ZBTB20: variants seen among roughly 807,000 people sequenced by gnomAD.
The protein encoded by ZBTB20 is zinc finger and BTB domain-containing protein 20.
Under a neutral mutation model 56.9 loss-of-function variants are expected in ZBTB20, and 9 were observed. The observed-to-expected ratio is 0.16, with a 90% CI of 0.10 to 0.28. The LOEUF is 0.28. Among genes scored for constraint, ZBTB20 ranks in the 10% least tolerant of loss-of-function variants. ZBTB20 has a pLI of 1.00. For missense variants in ZBTB20, 655 were observed against 1,003.0 expected (o/e 0.65, Z 4.69); for synonymous variants, 417 against 420.7 (o/e 0.99, Z 0.11).
chr3:114,899,262 C>G (rs2075011525), intron 4 of ZBTB20, among the ~76,000 whole-genome samples: 2 of 152,084 alleles, frequency 1.3e-5, no homozygotes, highest in South Asian at 4.1e-4. Flanking sequence ...AAGGAATTAT[C>G]TTACAATATA....
chr3:114,637,766 C>CT (rs1432120473), intron 6 of ZBTB20, among the ~76,000 whole-genome samples: 4 of 152,112 alleles, frequency 2.6e-5, no homozygotes, highest in Admixed American at 1.3e-4. Flanking sequence ...ACAGTGGCCA[C>CT]TTAAATATAT....
At chr3:115,088,859 G>T (rs778779098) in intron 1 of ZBTB20, among the ~76,000 whole-genome samples, 1 of 151,774 alleles carries the variant, frequency 6.6e-6, no homozygotes, top group African/African-American at 2.4e-5. Flanking sequence ...CCATGAAATT[G>T]TTGTGTTTCA....
intron 6 of ZBTB20, among the ~76,000 whole-genome samples, chr3:114,586,073 T>A (rs952634391): frequency 1.3e-5 from 2 of 152,250 alleles, no homozygotes; most frequent in African/African-American, 4.8e-5. Flanking sequence ...TTTATCTGTT[T>A]ACCATTCAGA....
Position 114,339,090 on chromosome 3 carries a change from G to C in ZBTB20, c.2141C>G (p.Thr714Ser), listed in dbSNP as rs1365075356. Residue 714 changes from threonine (T) to serine (S), a missense_variant, in exon 12 of 12, where the codon ACT becomes AGT. Physicochemically the swap from Thr to Ser is moderately conservative, Grantham distance 58. Transcript: ENST00000675478. The surrounding 1 kb of genome is among the most constrained non-coding windows in gnomAD (Gnocchi z 4.2). ...PGVVACTEGT[T>S]YVCSVCPAKF... ...TGCTGGGCAGACGGAGCAGACGTAA[G>C]TGGTCCCCTCCGTGCAGGCCACCAC... 6 of 1,589,714 alleles carry C rather than the reference G, an allele frequency of 3.8e-6. No individual in the cohort carries two copies. The highest frequency in any genetic ancestry group is 5.1e-6 in the Non-Finnish European group (6 of 1,166,174).
At chr3:114,899,934 G>A (rs1284645559) in intron 4 of ZBTB20, among the ~76,000 whole-genome samples, 2 of 151,938 alleles carry the variant, frequency 1.3e-5, no homozygotes, top group Admixed American at 6.6e-5. Flanking sequence ...AAACTCAAAA[G>A]CAGCAAAATA....
intron 3 of ZBTB20, among the ~76,000 whole-genome samples, chr3:114,963,961 G>A (rs1461669657): frequency 6.6e-6 from 1 of 152,108 alleles, no homozygotes; most frequent in Non-Finnish European, 1.5e-5. Flanking sequence ...GATAAATTAT[G>A]TATACAACTG....
At chr3:114,679,802 T>A (rs906573464) in intron 6 of ZBTB20, among the ~76,000 whole-genome samples, 1 of 152,108 alleles carries the variant, frequency 6.6e-6, no homozygotes, top group Non-Finnish European at 1.5e-5. Context: ...CCCAAAAAAA[T>A]TATAAATCAT....
intron 2 of ZBTB20, among the ~76,000 whole-genome samples, chr3:115,025,913 AT>A (rs1402613468): frequency 9.4e-5 from 14 of 149,360 alleles, no homozygotes; most frequent in Non-Finnish European, 1.5e-5. Context: ...AATATATAAA[AT>A]ATTTAAAAAT....
intron 6 of ZBTB20, among the ~76,000 whole-genome samples, chr3:114,635,112 G>A (rs915450673): frequency 2.0e-5 from 3 of 152,140 alleles, no homozygotes; most frequent in Admixed American, 6.6e-5. Context: ...GCGACCATTA[G>A]AACTTGGTTC....
intron 6 of ZBTB20, among the ~76,000 whole-genome samples, chr3:114,568,773 G>A (rs1388352504): frequency 6.6e-6 from 1 of 152,226 alleles, no homozygotes; most frequent in Non-Finnish European, 1.5e-5. Context: ...TCTCCACTGA[G>A]TGAAGAAGTT....
At chr3:114,651,550 TAAAAAAAAAAA>T (rs57059379) in intron 6 of ZBTB20, among the ~76,000 whole-genome samples, 4 of 91,416 alleles carry the variant, frequency 4.4e-5, no homozygotes, top group Admixed American at 1.1e-4. Flanking sequence ...GGTTGGATAG[TAAAAAAAAAAA>T]AAAAAAAAAA....
chr3:114,345,994 C>T (rs1407501569), intron 11 of ZBTB20, among the ~76,000 whole-genome samples: 1 of 152,024 alleles, frequency 6.6e-6, no homozygotes, highest in Non-Finnish European at 1.5e-5. Context: ...TCAAACATGC[C>T]CTTAACTCTT....
At chr3:115,014,761 T>C (rs1407271901) in intron 2 of ZBTB20, among the ~76,000 whole-genome samples, 1 of 151,704 alleles carries the variant, frequency 6.6e-6, no homozygotes, top group Non-Finnish European at 1.5e-5. Context: ...GCATCTATGA[T>C]TATCGGTGTC....
At position 114,365,333 on chromosome 3, in the gene ZBTB20, C is replaced by T. The variant is rs1365060517; in HGVS notation, c.200-13455G>A. On this transcript the variant is annotated intron_variant, in intron 10 of 11. Coordinates refer to ENST00000675478, the MANE Select transcript of ZBTB20 (RefSeq NM_001348800.3). Reference sequence around the variant, plus strand: ...CCAGGAATTTGTTTTCCTACACATCCATCTACTGTCCAGCCAGTTGAGGGA... The same window carrying T: ...CCAGGAATTTGTTTTCCTACACATCTATCTACTGTCCAGCCAGTTGAGGGA... Among the ~76,000 whole-genome samples, 4 of 152,300 alleles carry T rather than the reference C, an allele frequency of 2.6e-5. No homozygotes were observed. In the East Asian group the frequency reaches 7.7e-4, roughly 29 times the overall value.
At chr3:114,923,178 TCTATC>T in intron 3 of ZBTB20, among the ~76,000 whole-genome samples, 1 of 152,306 alleles carries the variant, frequency 6.6e-6, no homozygotes, top group East Asian at 1.9e-4. Context: ...TTCAATGCAA[TCTATC>T]AATATTATAA....
rs1442031367 is a variant in ZBTB20, at chr3:114,328,513, CAG to C, written c.*10490_*10491del. The C allele has an allele frequency of 4.0e-5, 6 of 151,564 alleles. No individual in the cohort carries two copies. The highest frequency in any genetic ancestry group is 1.3e-4 in the Admixed American group (2 of 15,232). The allele number at this position is 151,564 out of a possible 1,614,324, so 9.4% of individuals were successfully genotyped here. ...AACACTGTGGTATTTAAAAAAAAAACAGAAAATATTTTTCTCTTCATTTTTGG... is the reference window on the plus strand; with the variant it reads ...AACACTGTGGTATTTAAAAAAAAAACAAAATATTTTTCTCTTCATTTTTGG... On this transcript the variant is annotated 3_prime_UTR_variant, in exon 12 of 12. Coordinates refer to ENST00000675478, the MANE Select transcript of ZBTB20 (RefSeq NM_001348800.3).
At chr3:114,818,594 T>C (rs1366538374) in intron 4 of ZBTB20, among the ~76,000 whole-genome samples, 1 of 152,004 alleles carries the variant, frequency 6.6e-6, no homozygotes, top group Non-Finnish European at 1.5e-5. Flanking sequence ...TTGGACAATA[T>C]TTACCAGAAA....
At chr3:114,472,689 C>T (rs1417502069) in intron 7 of ZBTB20, among the ~76,000 whole-genome samples, 2 of 144,092 alleles carry the variant, frequency 1.4e-5, no homozygotes, top group Non-Finnish European at 3.0e-5. Context: ...GCCTGGACAA[C>T]AAGAGCGAAA....
At chr3:115,005,765 T>C (rs1177305309) in intron 2 of ZBTB20, among the ~76,000 whole-genome samples, 2 of 151,798 alleles carry the variant, frequency 1.3e-5, no homozygotes, top group African/African-American at 2.4e-5. Flanking sequence ...AACCACTGTA[T>C]TCACCTTCTA....
Sources: allele counts gnomAD v4.1 joint callset (sites outside exome capture counted in the v4.1 genomes callset), GRCh38; gene constraint gnomAD v4.1.1; non-coding constraint Gnocchi (gnomAD v3.1); transcripts MANE v1.5; gene names NCBI Gene and HGNC (gene_info 2026-07-23, HGNC 2026-07-21).